TYW1: variants seen among roughly 807,000 people sequenced by gnomAD.
TYW1 encodes S-adenosyl-L-methionine-dependent tRNA 4-demethylwyosine synthase TYW1.
TYW1 carries 46 observed loss-of-function variants against 96.2 expected under a neutral mutation model. That is an observed-to-expected ratio of 0.48 (90% CI 0.38 to 0.61). The LOEUF (loss-of-function observed/expected upper bound fraction) is 0.61, where lower values mean the gene tolerates loss of function less well. Among genes scored for constraint, TYW1 ranks in the 20% least tolerant of loss-of-function variants. The pLI, the probability that TYW1 is intolerant of heterozygous loss-of-function variation, is 0.00. For synonymous variants in TYW1, 274 were observed against 323.0 expected, an observed-to-expected ratio of 0.85 and a Z score of 1.63; for missense variants, 684 against 909.6, an observed-to-expected ratio of 0.75 and a Z score of 3.19.
chr7:67,010,069 G>A (rs1057175547), intron 4 of TYW1, among the ~76,000 whole-genome samples: 13 of 150,230 alleles, frequency 8.7e-5, no homozygotes, highest in African/African-American at 2.2e-4. Flanking sequence ...TGCAATGTCC[G>A]TCTCCAGGTT....
At position 67,032,885 on chromosome 7, in the gene TYW1, C is replaced by CTTTTTT. The variant is rs778743156; in HGVS notation, c.984+7887_984+7892dup. On this transcript the variant is annotated intron_variant, in intron 7 of 15. Coordinates refer to ENST00000359626, the MANE Select transcript of TYW1 (RefSeq NM_018264.4). ...ATTTTCCAGCAGCAGAGAAGTATAC[C>CTTTTTT]TTTTTTTTTTTTTTTTTTTTTTTTT... is the stretch of plus-strand genomic sequence containing the variant. 4.6e-3 allele frequency among the ~76,000 whole-genome samples: 347 copies of CTTTTTT among 76,256 alleles called. 53 individuals carry two copies. The highest frequency in any genetic ancestry group is 0.023 in the Admixed American group (125 of 5,398). 50.0% of individuals were successfully genotyped at this position (76,256 alleles called of 152,430 possible). A position where few individuals can be genotyped will look rare whatever the true frequency, so the allele number is the denominator to read the frequency against.
At position 67,083,425 on chromosome 7, in the gene TYW1, C is replaced by G. The variant is rs1471004916; in HGVS notation, c.1275-5C>G. ...GTCTTTTAGAACTTTGCATCTTGTT[C>G]CTAGGCACCACACCAACCCCGTGGG... On this transcript the variant is annotated splice_polypyrimidine_tract_variant and splice_region_variant and intron_variant, in intron 10 of 15. Transcript: ENST00000359626. 2 of 1,613,806 alleles carry G rather than the reference C, an allele frequency of 1.2e-6. No homozygotes were observed. Among genetic ancestry groups the G allele is most frequent in the Non-Finnish European group, 1.7e-6 (2 of 1,179,892 alleles).
Position 67,098,654 on chromosome 7 carries a change from C to A in TYW1, c.1498C>A (p.Leu500Ile), listed in dbSNP as rs1239102933. ...MYPEINRFLK[L>I]LHQCKISSFL... The stretch of plus-strand genomic sequence containing the variant: ...CCCAGAGATCAACAGGTTTTTGAAG[C>A]TACTCCACCAGTGTAAAATTTCCAG... The change falls in exon 12 of 16, where the codon CTA becomes ATA. Residue 500 changes from leucine (L) to isoleucine (I), a missense_variant. Leu to Ile is a conservative substitution (Grantham distance 5). Transcript: ENST00000359626. The A allele has an allele frequency of 6.2e-7, 1 of 1,613,956 alleles. No individual in the cohort carries two copies. Among genetic ancestry groups the A allele is most frequent in the Non-Finnish European group, 8.5e-7 (1 of 1,180,014 alleles).
intron 10 of TYW1, among the ~76,000 whole-genome samples, chr7:67,081,134 AGTG>A (rs1796379958): frequency 6.7e-6 from 1 of 149,490 alleles, no homozygotes; most frequent in Admixed American, 6.7e-5. Flanking sequence ...AGGCCAGTCT[AGTG>A]GTGATGAATT....
At chr7:67,168,216 A>G (rs555318662) in intron 13 of TYW1, among the ~76,000 whole-genome samples, 2 of 151,826 alleles carry the variant, frequency 1.3e-5, no homozygotes, top group South Asian at 2.1e-4. Flanking sequence ...GGTGAATTGC[A>G]TTGATTTTCA....
intron 13 of TYW1, among the ~76,000 whole-genome samples, chr7:67,172,731 A>T (rs564889017): frequency 1.3e-5 from 2 of 152,114 alleles, no homozygotes; most frequent in South Asian, 2.1e-4. Context: ...CTAAGACCTT[A>T]CCATTCTTGT....
At chr7:67,130,205 A>G (rs1798024651) in intron 13 of TYW1, among the ~76,000 whole-genome samples, 1 of 151,448 alleles carries the variant, frequency 6.6e-6, no homozygotes, top group Non-Finnish European at 1.5e-5. Context: ...ACACAGTGAA[A>G]CCCCATCTCT....
chr7:67,028,306 G>A lies in TYW1; in HGVS notation c.984+3284G>A, dbSNP rs570514780. Among the ~76,000 whole-genome samples, 14 of 150,926 alleles carry A rather than the reference G, an allele frequency of 9.3e-5. No homozygotes were observed. In the East Asian group the frequency reaches 2.7e-3, roughly 30 times the overall value. ...CTCACGCCTGTAATCCCCACACTTT[G>A]AGAGGCCAAGGCAGGTGGATCACTT... On this transcript the variant is annotated intron_variant, in intron 7 of 15. Coordinates refer to ENST00000359626, the MANE Select transcript of TYW1 (RefSeq NM_018264.4).
intron 12 of TYW1, among the ~76,000 whole-genome samples, chr7:67,104,221 G>A (rs6973836): frequency 0.24 from 36,740 of 151,910 alleles, 4,694 homozygotes; most frequent in African/African-American, 0.31. Context: ...TTCTCGCATT[G>A]CCATAAGGAA....
intron 13 of TYW1, among the ~76,000 whole-genome samples, chr7:67,165,063 A>T (rs1799278529): frequency 6.6e-6 from 1 of 150,980 alleles, no homozygotes; most frequent in African/African-American, 2.4e-5. Flanking sequence ...ACTGAATTAC[A>T]CTCCCACCGT....
chr7:67,084,704 G>A (rs945372074), intron 11 of TYW1, among the ~76,000 whole-genome samples: 23 of 151,936 alleles, frequency 1.5e-4, no homozygotes, highest in African/African-American at 5.1e-4. Flanking sequence ...TTGTGAAGAT[G>A]GGGTCTAGCC....
Position 67,014,491 on chromosome 7 carries a change from C to T in TYW1, c.500C>T (p.Thr167Ile). The T allele has an allele frequency of 6.2e-7, 1 of 1,613,948 alleles. No individual in the cohort carries two copies. The highest frequency in any genetic ancestry group is 8.5e-7 in the Non-Finnish European group (1 of 1,179,856). Residue 167 changes from threonine (T) to isoleucine (I), a missense_variant, in exon 5 of 16, where the codon ACT becomes ATT. Coordinates refer to ENST00000359626, the MANE Select transcript of TYW1 (RefSeq NM_018264.4). The stretch of plus-strand genomic sequence containing the variant: ...TCCATTGATTTTCGATTTGGCAAAA[C>T]TTACCTGAAGGGTATGAGATATGCG... ...EASIDFRFGK[T>I]YLKGMRYAVF...
At chr7:67,025,098 G>A (rs1215070279) in intron 7 of TYW1, 76 bp downstream of exon 7, 1 of 1,565,328 alleles carries the variant, frequency 6.4e-7, no homozygotes, top group Non-Finnish European at 8.6e-7. Flanking sequence ...TTACTGTGTA[G>A]TCCATCTGAG....
At chr7:67,134,005 T>C (rs1277477021) in intron 13 of TYW1, among the ~76,000 whole-genome samples, 2 of 152,018 alleles carry the variant, frequency 1.3e-5, no homozygotes, top group African/African-American at 4.8e-5. Flanking sequence ...CTTCTCTGCT[T>C]GTTTTTTTCC....
At position 67,083,459 on chromosome 7, in the gene TYW1, G is replaced by T; in HGVS notation, c.1304G>T (p.Trp435Leu). ...RHHTNPVGTE[W>L]RWKMDQPEMI... ...CACACCAACCCCGTGGGCACTGAGT[G>T]GCGGTGGAAGATGGACCAGCCTGAA... is the stretch of plus-strand genomic sequence containing the variant. Residue 435 changes from tryptophan to leucine, a missense_variant, in exon 11 of 16, where the codon TGG becomes TTG. Coordinates refer to ENST00000359626, the MANE Select transcript of TYW1 (RefSeq NM_018264.4). 6.2e-7 allele frequency: 1 copy of T among 1,614,182 alleles called. No homozygotes were observed. The highest frequency in any genetic ancestry group is 8.5e-7 in the Non-Finnish European group (1 of 1,180,028).
At chr7:67,063,859 C>T (rs1253934080) in intron 9 of TYW1, among the ~76,000 whole-genome samples, 1 of 131,792 alleles carries the variant, frequency 7.6e-6, no homozygotes, top group Non-Finnish European at 1.7e-5. Flanking sequence ...ACCTCAGCCT[C>T]CCAAAGTGCT....
intron 7 of TYW1, among the ~76,000 whole-genome samples, chr7:67,034,838 A>T (rs1175539780): frequency 2.0e-5 from 3 of 152,210 alleles, no homozygotes; most frequent in Non-Finnish European, 2.9e-5. Context: ...TAAATTCCTA[A>T]AATTGAAATT....
At chr7:67,185,335 G>C (rs1799986452) in intron 14 of TYW1, among the ~76,000 whole-genome samples, 1 of 151,822 alleles carries the variant, frequency 6.6e-6, no homozygotes, top group South Asian at 2.1e-4. Context: ...GCATGGCTTG[G>C]TTATAGAGGG....
chr7:67,195,524 T>C lies in TYW1; in HGVS notation c.1977+187T>C, dbSNP rs200989970. ...TCATAAACTCTTTTCCATGTGAAAT[T>C]GCTTCTTGTTTAGCCCTCCTCTGGA... is the stretch of plus-strand genomic sequence containing the variant. On this transcript the variant is annotated intron_variant, in intron 15 of 15. Coordinates refer to ENST00000359626, the MANE Select transcript of TYW1 (RefSeq NM_018264.4). 3.5e-4 allele frequency among the ~76,000 whole-genome samples: 54 copies of C among 152,302 alleles called. No individual in the cohort carries two copies. The East Asian group carries it at 0.01, about 29-fold the overall frequency.
Sources: allele counts gnomAD v4.1 joint callset (sites outside exome capture counted in the v4.1 genomes callset), GRCh38; gene constraint gnomAD v4.1.1; transcripts MANE v1.5; gene names NCBI Gene and HGNC (gene_info 2026-07-23, HGNC 2026-07-21).